Variants in CA10 observed in about 807,000 individuals in gnomAD.
CA10 encodes carbonic anhydrase-related protein 10.
CA10 carries 14 observed loss-of-function variants against 44.2 expected under a neutral mutation model. The observed-to-expected ratio is 0.32, with a 90% CI of 0.21 to 0.50. The LOEUF is 0.50. CA10 is among the 20% of genes least tolerant of loss of function. The pLI, the probability that CA10 is intolerant of heterozygous loss-of-function variation, is 0.99. For synonymous variants in CA10, 159 were observed against 141.6 expected (o/e 1.12, Z -0.87); for missense variants, 350 against 409.7 (o/e 0.85, Z 1.26).
chr17:51,923,670 G>C lies in CA10; in HGVS notation c.279+7320C>G, dbSNP rs145101082. On this transcript the variant is annotated intron_variant, in intron 3 of 8. Coordinates refer to ENST00000451037, the MANE Select transcript of CA10 (RefSeq NM_020178.5). ...AGGTTCAGAGGAAAATTTTAAAATA[G>C]AGAAGTGATAAGATTTTAAATACCA... Among the ~76,000 whole-genome samples, 195 of 152,300 alleles carry C rather than the reference G, an allele frequency of 1.3e-3. 2 individuals are homozygous for C. The East Asian group carries it at 0.029, about 23-fold the overall frequency.
intron 2 of CA10, among the ~76,000 whole-genome samples, chr17:52,055,639 T>C (rs906039620): frequency 1.3e-5 from 2 of 152,074 alleles, no homozygotes; most frequent in African/African-American, 2.4e-5. Flanking sequence ...TGTGATATAT[T>C]ATAAAAAGTC....
intron 3 of CA10, among the ~76,000 whole-genome samples, chr17:51,803,200 T>A (rs1369814355): frequency 6.6e-6 from 1 of 152,180 alleles, no homozygotes; most frequent in Non-Finnish European, 1.5e-5. Context: ...TTCAAGGAGA[T>A]GGGTTTGGGG....
At chr17:51,990,812 G>A (rs1037331633) in intron 2 of CA10, among the ~76,000 whole-genome samples, 5 of 152,140 alleles carry the variant, frequency 3.3e-5, no homozygotes, top group South Asian at 4.2e-4. Context: ...GTACCCTTAG[G>A]TGGATGCACG....
chr17:51,792,838 C>T (rs1222530581), intron 3 of CA10, among the ~76,000 whole-genome samples: 1 of 152,162 alleles, frequency 6.6e-6, no homozygotes, highest in South Asian at 2.1e-4. Flanking sequence ...GTCATCTTAA[C>T]ATTATCTCAA....
intron 3 of CA10, among the ~76,000 whole-genome samples, chr17:51,875,680 T>G (rs1371507465): frequency 6.6e-6 from 1 of 151,712 alleles, no homozygotes. Flanking sequence ...TTACTAAAGT[T>G]TATTTTTTGG....
chr17:51,782,758 T>C (rs541619738), intron 3 of CA10, among the ~76,000 whole-genome samples: 112 of 152,284 alleles, frequency 7.4e-4, no homozygotes, highest in African/African-American at 1.7e-3. Context: ...CCTTCCAATA[T>C]TCCTGGTTCA....
rs71381351 is a variant in CA10, at chr17:51,633,203, C to T, written c.964+273G>A. Among the ~76,000 whole-genome samples, 650 of 152,152 alleles carry T rather than the reference C, an allele frequency of 4.3e-3. 5 individuals carry two copies. The highest frequency in any genetic ancestry group is 4.0e-3 in the Non-Finnish European group (274 of 68,002). On this transcript the variant is annotated intron_variant, in intron 8 of 8. Transcript: ENST00000451037. Reference sequence around the variant, plus strand: ...TATATATATCTCACATATATCAAACCTCTACACCTTGCCATCTACCTACCG... The same window carrying T: ...TATATATATCTCACATATATCAAACTTCTACACCTTGCCATCTACCTACCG...
Position 51,956,133 on chromosome 17 carries a change from A to G in CA10, c.137-25001T>C, listed in dbSNP as rs1045400650. 3.3e-5 allele frequency among the ~76,000 whole-genome samples: 5 copies of G among 151,336 alleles called. No homozygotes were observed. In the East Asian group the frequency reaches 7.9e-4, roughly 24 times the overall value. On this transcript the variant is annotated intron_variant, in intron 2 of 8. Transcript: ENST00000451037. ...AAAAACACATGTATACTCATTTTCC[A>G]TCTTTATCAAATCTCAACATTCTGC... is the stretch of plus-strand genomic sequence containing the variant.
intron 1 of CA10, among the ~76,000 whole-genome samples, chr17:52,105,719 C>A (rs1007535703): frequency 2.0e-5 from 3 of 152,158 alleles, no homozygotes; most frequent in African/African-American, 7.2e-5. Flanking sequence ...CTAAGTGATA[C>A]CTTATTAACA....
intron 3 of CA10, among the ~76,000 whole-genome samples, chr17:51,828,326 G>A (rs983072186): frequency 6.6e-6 from 1 of 152,126 alleles, no homozygotes; most frequent in Admixed American, 6.5e-5. Flanking sequence ...ACATGTCCTA[G>A]CTAGTCTGGA....
At chr17:51,678,600 G>A (rs1481431922) in intron 4 of CA10, among the ~76,000 whole-genome samples, 2 of 152,144 alleles carry the variant, frequency 1.3e-5, no homozygotes, top group East Asian at 1.9e-4. Flanking sequence ...CTGGTCCAGG[G>A]ATTTCAGGTA....
intron 4 of CA10, among the ~76,000 whole-genome samples, chr17:51,672,943 G>A (rs1371714758): frequency 6.6e-6 from 1 of 152,206 alleles, no homozygotes; most frequent in Non-Finnish European, 1.5e-5. Flanking sequence ...AGACTTGGAA[G>A]AACTCCACCA....
chr17:51,887,566 A>G (rs1296656181), intron 3 of CA10, among the ~76,000 whole-genome samples: 2 of 152,236 alleles, frequency 1.3e-5, no homozygotes, highest in Non-Finnish European at 2.9e-5. Context: ...CTTTTGGTTC[A>G]GCGAATCTGG....
At chr17:51,892,704 G>A (rs1045269776) in intron 3 of CA10, among the ~76,000 whole-genome samples, 61 of 152,174 alleles carry the variant, frequency 4.0e-4, no homozygotes, top group Non-Finnish European at 1.0e-4. Flanking sequence ...ATCAGACATA[G>A]GTGGGATCAG....
chr17:51,712,992 A>G (rs1400690596), intron 4 of CA10, among the ~76,000 whole-genome samples: 1 of 152,204 alleles, frequency 6.6e-6, no homozygotes, highest in East Asian at 1.9e-4. Flanking sequence ...TGTCCTCCAC[A>G]GATCCTCTTT....
chr17:51,768,132 C>T (rs888510348), intron 3 of CA10, among the ~76,000 whole-genome samples: 9 of 151,070 alleles, frequency 6.0e-5, no homozygotes, highest in African/African-American at 1.5e-4. Context: ...TAAAGGCTAA[C>T]ATTTTTTGTA....
intron 2 of CA10, among the ~76,000 whole-genome samples, chr17:51,947,224 C>CAAAAAAAAAAAAAAAAA (rs1198796736): frequency 1.9e-5 from 1 of 52,120 alleles, no homozygotes; most frequent in Non-Finnish European, 3.7e-5. Context: ...TCTTCATGTG[C>CAAAAAAAAAAAAAAAAA]AAAAAAAAAA....
In CA10 at chr17:52,037,762, C is replaced by T. The variant is rs796369469; in HGVS notation, c.136+34557G>A. 7.9e-5 allele frequency among the ~76,000 whole-genome samples: 12 copies of T among 152,188 alleles called. 2 individuals carry two copies. The highest frequency in any genetic ancestry group is 2.9e-4 in the African/African-American group (12 of 41,528). Reference sequence around the variant, plus strand: ...GAGTCTGTATTTTCCCAATACACACCGTGACTTTTCTAGCCTCTGTGCCTT... The same window carrying T: ...GAGTCTGTATTTTCCCAATACACACTGTGACTTTTCTAGCCTCTGTGCCTT... On this transcript the variant is annotated intron_variant, in intron 2 of 8. Transcript: ENST00000451037.
intron 3 of CA10, among the ~76,000 whole-genome samples, chr17:51,813,200 T>C (rs1308094694): frequency 6.6e-6 from 1 of 152,218 alleles, no homozygotes; most frequent in Non-Finnish European, 1.5e-5. Flanking sequence ...TGATGGTATC[T>C]GGCACATTAA....
Sources: allele counts gnomAD v4.1 joint callset (sites outside exome capture counted in the v4.1 genomes callset), GRCh38; gene constraint gnomAD v4.1.1; transcripts MANE v1.5; gene names NCBI Gene and HGNC (gene_info 2026-07-23, HGNC 2026-07-21).